The following MYO10 variants were observed in gnomAD, a reference collection of about 807,000 sequenced individuals.
The protein encoded by MYO10 is unconventional myosin-X.
A neutral mutation model predicts 257.3 loss-of-function variants in MYO10; 133 were observed. The observed-to-expected ratio is 0.52, with a 90% CI of 0.45 to 0.60. The LOEUF is 0.60. Among genes scored for constraint, MYO10 ranks in the 20% least tolerant of loss-of-function variants. The pLI, the probability that MYO10 is intolerant of heterozygous loss-of-function variation, is 0.00. For synonymous variants in MYO10, 1,104 were observed against 1,028.6 expected (o/e 1.07, Z -1.40); for missense variants, 2,399 against 2,635.7 (o/e 0.91, Z 1.97).
chr5:16,695,375 C>A (rs1408700306), intron 26 of MYO10, among the ~76,000 whole-genome samples: 1 of 152,122 alleles, frequency 6.6e-6, no homozygotes, highest in African/African-American at 2.4e-5. Flanking sequence ...CATATTTGGT[C>A]AATGTGCGAA....
At chr5:16,892,810 G>T (rs1745099698) in intron 1 of MYO10, among the ~76,000 whole-genome samples, 1 of 152,128 alleles carries the variant, frequency 6.6e-6, no homozygotes, top group Admixed American at 6.6e-5. Context: ...CAGAACCAAA[G>T]AATGCACAGG....
intron 38 of MYO10, among the ~76,000 whole-genome samples, 191 bp from the exon 39 acceptor site, chr5:16,671,169 A>AAC (rs1216751085): frequency 2.0e-5 from 3 of 152,224 alleles, no homozygotes; most frequent in African/African-American, 4.8e-5. Flanking sequence ...GATACCATCT[A>AAC]ACACACGTCA....
At chr5:16,687,376 C>G (rs1485847685) in intron 28 of MYO10, among the ~76,000 whole-genome samples, 1 of 150,856 alleles carries the variant, frequency 6.6e-6, no homozygotes, top group Non-Finnish European at 1.5e-5. Flanking sequence ...AAAAATCAAG[C>G]AGAACAAAGC....
Position 16,682,052 on chromosome 5 carries a change from C to T in MYO10, c.4047-39G>A, listed in dbSNP as rs1369402306. 5 of 1,599,670 alleles carry T rather than the reference C, an allele frequency of 3.1e-6. No homozygotes were observed. In the South Asian group the frequency reaches 3.3e-5, roughly 11 times the overall value. ...TGAGAAGGAAACAAAGCCCCTTAGC[C>T]CTACCGTCAGCATCACCTCTGTGTG... On this transcript the variant is annotated intron_variant, in intron 30 of 40. Coordinates refer to ENST00000513610, the MANE Select transcript of MYO10 (RefSeq NM_012334.3).
intron 4 of MYO10, among the ~76,000 whole-genome samples, chr5:16,789,986 C>T (rs1375984113): frequency 6.6e-6 from 1 of 151,966 alleles, no homozygotes; most frequent in African/African-American, 2.4e-5. Flanking sequence ...GTTCCTTTTT[C>T]TTTGTGTTTC....
In MYO10 at chr5:16,793,704, C is replaced by T. The variant is rs554775409; in HGVS notation, c.467+942G>A. Among the ~76,000 whole-genome samples, 4 of 152,178 alleles carry T rather than the reference C, an allele frequency of 2.6e-5. No homozygotes were observed. In the East Asian group the frequency reaches 5.8e-4, roughly 22 times the overall value. Reference sequence around the variant, plus strand: ...CAGCACTTTGGGATGCTGAGGCAGGCGGATCACCTGAGGTCGGGAGTTTAA... The same window carrying T: ...CAGCACTTTGGGATGCTGAGGCAGGTGGATCACCTGAGGTCGGGAGTTTAA... On this transcript the variant is annotated intron_variant, in intron 4 of 40. Coordinates refer to ENST00000513610, the MANE Select transcript of MYO10 (RefSeq NM_012334.3).
chr5:16,904,766 A>C (rs1173942175), intron 1 of MYO10, among the ~76,000 whole-genome samples: 1 of 152,130 alleles, frequency 6.6e-6, no homozygotes, highest in Non-Finnish European at 1.5e-5. Flanking sequence ...CGTCTCTACT[A>C]AAAATTCAAA....
intron 2 of MYO10, among the ~76,000 whole-genome samples, chr5:16,858,352 A>C (rs1003574588): frequency 6.6e-6 from 1 of 151,910 alleles, no homozygotes; most frequent in Non-Finnish European, 1.5e-5. Context: ...GTCGTCACAT[A>C]AGCTTTACAC....
At chr5:16,699,394 T>C (rs1737917639) in intron 26 of MYO10, 56 bp downstream of exon 26, 2 of 1,581,212 alleles carry the variant, frequency 1.3e-6, no homozygotes. Context: ...TCAGCCCGGA[T>C]AAAATAACGC....
At chr5:16,805,556 A>G (rs1250292016) in intron 3 of MYO10, among the ~76,000 whole-genome samples, 1 of 152,150 alleles carries the variant, frequency 6.6e-6, no homozygotes, top group East Asian at 1.9e-4. Flanking sequence ...CACTCTATGA[A>G]AAGATATTGT....
chr5:16,935,875 T>C lies in MYO10; in HGVS notation c.-67A>G. 6.3e-7 allele frequency: 1 copy of C among 1,593,392 alleles called. No homozygotes were observed. Among genetic ancestry groups the C allele is most frequent in the South Asian group, 1.1e-5 (1 of 88,498 alleles). On this transcript the variant is annotated 5_prime_UTR_variant, in exon 1 of 41. Transcript: ENST00000513610. ...TCGCGGAAGTCAGCGCCGCCGCGGG[T>C]CCGGGGAAACCATGCGTGTCACGGC... is the stretch of plus-strand genomic sequence containing the variant.
chr5:16,740,741 C>T (rs1422459295), intron 19 of MYO10, among the ~76,000 whole-genome samples: 1 of 152,098 alleles, frequency 6.6e-6, no homozygotes, highest in African/African-American at 2.4e-5. Flanking sequence ...GTAAACTAAA[C>T]AGAAGCGAGG....
intron 1 of MYO10, among the ~76,000 whole-genome samples, chr5:16,903,128 C>G (rs1299522815): frequency 6.6e-6 from 1 of 152,244 alleles, no homozygotes; most frequent in Non-Finnish European, 1.5e-5. Context: ...ACACTCCCTA[C>G]CAGGCGCGAT....
chr5:16,699,617 A>G (rs780045489), intron 25 of MYO10, 44 bp from the exon 26 acceptor site: 2 of 1,610,912 alleles, frequency 1.2e-6, no homozygotes, highest in Non-Finnish European at 1.7e-6. Flanking sequence ...AAAGGCCACA[A>G]AGCAAGCCAC....
intron 1 of MYO10, chr5:16,902,513 G>A (rs1745410077): frequency 1.3e-6 from 2 of 1,572,344 alleles, no homozygotes; most frequent in South Asian, 1.1e-5. Context: ...CCTCCACTAT[G>A]TTTCGAATGA....
At chr5:16,840,715 CA>C (rs1743453086) in intron 2 of MYO10, among the ~76,000 whole-genome samples, 1 of 151,350 alleles carries the variant, frequency 6.6e-6, no homozygotes, top group Non-Finnish European at 1.5e-5. Context: ...TTTTGTTGTG[CA>C]ATATGCACAA....
chr5:16,757,194 G>T (rs925364697), intron 18 of MYO10, among the ~76,000 whole-genome samples: 1 of 151,028 alleles, frequency 6.6e-6, no homozygotes, highest in East Asian at 1.9e-4. Context: ...GGAGGCTGAG[G>T]GGGGAGAATC....
chr5:16,822,235 C>T (rs984690461), intron 2 of MYO10, among the ~76,000 whole-genome samples: 6 of 150,986 alleles, frequency 4.0e-5, no homozygotes, highest in South Asian at 2.1e-4. Context: ...CGTTTACCTA[C>T]GTGACAAACT....
At chr5:16,714,307 A>AT (rs1055715231) in intron 19 of MYO10, among the ~76,000 whole-genome samples, 5 of 152,118 alleles carry the variant, frequency 3.3e-5, no homozygotes, top group Non-Finnish European at 5.9e-5. Flanking sequence ...GAAAAAAAAA[A>AT]CAGGAAGAAA....
Sources: allele counts gnomAD v4.1 joint callset (sites outside exome capture counted in the v4.1 genomes callset), GRCh38; gene constraint gnomAD v4.1.1; transcripts MANE v1.5; gene names NCBI Gene and HGNC (gene_info 2026-07-23, HGNC 2026-07-21).